The following PCDH15 variants were observed in gnomAD, a reference collection of about 807,000 sequenced individuals.
PCDH15 encodes the protein protocadherin related 15, also known as protocadherin-15.
Under a neutral mutation model 178.5 loss-of-function variants are expected in PCDH15, and 129 were observed. The ratio of observed to expected loss-of-function variants is 0.72; its 90% CI spans 0.63 to 0.84. The LOEUF is 0.84. Among genes scored for constraint, PCDH15 ranks in the 40% least tolerant of loss-of-function variants. The pLI is 0.00. For missense variants in PCDH15, 2,230 were observed against 2,099.9 expected (o/e 1.06, Z -1.21); for synonymous variants, 800 against 732.0 (o/e 1.09, Z -1.50).
intron 1 of PCDH15, among the ~76,000 whole-genome samples, chr10:54,712,633 G>A (rs1324270667): frequency 6.6e-6 from 1 of 151,922 alleles, no homozygotes; most frequent in East Asian, 1.9e-4. Context: ...GGGGCTTTGG[G>A]TGTACAAAAC....
chr10:54,698,616 A>G (rs774586402), intron 1 of PCDH15, among the ~76,000 whole-genome samples: 33 of 152,284 alleles, frequency 2.2e-4, no homozygotes, highest in Non-Finnish European at 2.5e-4. Flanking sequence ...TCAAAACTAT[A>G]TAAATTTGAT....
At chr10:53,939,366 T>TTA (rs1339290806) in intron 24 of PCDH15, among the ~76,000 whole-genome samples, 1 of 152,110 alleles carries the variant, frequency 6.6e-6, no homozygotes, top group African/African-American at 2.4e-5. Context: ...TACTGGATTA[T>TTA]TATACTCTTT....
At chr10:55,619,939 T>C (rs1190624716) in intron 2 of PCDH15, among the ~76,000 whole-genome samples, 1 of 152,124 alleles carries the variant, frequency 6.6e-6, no homozygotes, top group African/African-American at 2.4e-5. Context: ...TTTCTAAGAC[T>C]TAATTCCCAA....
At chr10:54,718,441 G>A (rs1290351614) in intron 1 of PCDH15, among the ~76,000 whole-genome samples, 1 of 151,930 alleles carries the variant, frequency 6.6e-6, no homozygotes, top group Non-Finnish European at 1.5e-5. Flanking sequence ...ATCATACAAA[G>A]GCTATATGTA....
intron 20 of PCDH15, among the ~76,000 whole-genome samples, chr10:54,006,718 T>G (rs2092398424): frequency 6.6e-6 from 1 of 152,164 alleles, no homozygotes; most frequent in Non-Finnish European, 1.5e-5. Context: ...TTCTATTCTA[T>G]GGGGTAGCAA....
At chr10:54,992,560 G>A (rs923416634) in intron 2 of PCDH15, among the ~76,000 whole-genome samples, 2 of 152,024 alleles carry the variant, frequency 1.3e-5, no homozygotes, top group African/African-American at 4.8e-5. Flanking sequence ...AGACCAGCCT[G>A]GCTAACACAG....
At chr10:55,066,180 A>T (rs4007192) in intron 2 of PCDH15, among the ~76,000 whole-genome samples, 1 of 151,500 alleles carries the variant, frequency 6.6e-6, no homozygotes, top group African/African-American at 2.4e-5. Context: ...TCTTAACAGC[A>T]GTTCTCTCTT....
At chr10:53,991,192 A>G (rs1313357878) in intron 21 of PCDH15, among the ~76,000 whole-genome samples, 1 of 151,990 alleles carries the variant, frequency 6.6e-6, no homozygotes, top group Non-Finnish European at 1.5e-5. Flanking sequence ...GGCTGAGGAG[A>G]GCGGGCGCGC....
intron 2 of PCDH15, among the ~76,000 whole-genome samples, chr10:55,057,684 A>C (rs1841337602): frequency 6.6e-6 from 1 of 152,142 alleles, no homozygotes; most frequent in Non-Finnish European, 1.5e-5. Context: ...TCTCCATGAT[A>C]TAAGCCATTG....
chr10:54,337,172 T>G (rs924895010), intron 6 of PCDH15, among the ~76,000 whole-genome samples: 1 of 152,126 alleles, frequency 6.6e-6, no homozygotes. Context: ...AGTAACTAAC[T>G]TACTTTTGAT....
intron 37 of PCDH15, chr10:53,809,342 A>G: frequency 6.2e-7 from 1 of 1,613,052 alleles, no homozygotes; most frequent in Non-Finnish European, 8.5e-7. Flanking sequence ...CGTCTCTGCC[A>G]CTCTTCACCC....
chr10:55,022,497 C>T (rs1840356035), intron 2 of PCDH15, among the ~76,000 whole-genome samples: 1 of 150,078 alleles, frequency 6.7e-6, no homozygotes, highest in Admixed American at 6.7e-5. Flanking sequence ...ATTCTTACCA[C>T]AAAAATGCAA....
chr10:55,363,107 T>C (rs1845269019), intron 2 of PCDH15, among the ~76,000 whole-genome samples: 1 of 152,210 alleles, frequency 6.6e-6, no homozygotes, highest in African/African-American at 2.4e-5. Flanking sequence ...AGTCATTTCT[T>C]ATGTAACCAT....
chr10:55,541,171 T>C (rs1159203197), intron 2 of PCDH15, among the ~76,000 whole-genome samples: 1 of 152,044 alleles, frequency 6.6e-6, no homozygotes, highest in Non-Finnish European at 1.5e-5. Context: ...GTAATCTGAA[T>C]GTGGAATATA....
At chr10:55,356,991 A>G (rs187750747) in intron 2 of PCDH15, among the ~76,000 whole-genome samples, 1 of 152,088 alleles carries the variant, frequency 6.6e-6, no homozygotes, top group African/African-American at 2.4e-5. Context: ...AAAATGAGGA[A>G]ACACATAGTG....
intron 25 of PCDH15, among the ~76,000 whole-genome samples, chr10:53,934,057 T>C (rs918837652): frequency 6.6e-6 from 1 of 152,228 alleles, no homozygotes; most frequent in African/African-American, 2.4e-5. Context: ...GAGTTCATTG[T>C]AGATTCTGGA....
At chr10:55,251,007 C>T (rs1372091269) in intron 1 of PCDH15, among the ~76,000 whole-genome samples, 1 of 152,054 alleles carries the variant, frequency 6.6e-6, no homozygotes, top group Admixed American at 6.6e-5. Context: ...AGACAACTGA[C>T]AATTCACATG....
intron 1 of PCDH15, among the ~76,000 whole-genome samples, chr10:54,753,791 G>A (rs1352229452): frequency 1.3e-5 from 2 of 151,832 alleles, no homozygotes; most frequent in African/African-American, 2.4e-5. Context: ...CGGCACCAGG[G>A]TGTACTGGCT....
At chr10:54,982,198 A>G (rs749995252) in intron 2 of PCDH15, among the ~76,000 whole-genome samples, 2 of 152,176 alleles carry the variant, frequency 1.3e-5, no homozygotes, top group South Asian at 2.1e-4. Flanking sequence ...AGTGATGATA[A>G]TAATCTTGAA....
Sources: gnomAD v4.1 joint callset for allele counts (sites outside exome capture counted in the v4.1 genomes callset) on GRCh38, gnomAD v4.1.1 for gene constraint, MANE v1.5 for transcripts, NCBI Gene and HGNC (gene_info 2026-07-23, HGNC 2026-07-21) for gene names.